RHD: variants seen among roughly 807,000 people sequenced by gnomAD.
RHD encodes Rh blood group D antigen.
Under a neutral mutation model 45.5 loss-of-function variants are expected in RHD, and 16 were observed. The observed-to-expected ratio is 0.35, with a 90% CI of 0.24 to 0.53. The LOEUF (loss-of-function observed/expected upper bound fraction) is 0.53, where lower values mean the gene tolerates loss of function less well. Among genes scored for constraint, RHD ranks in the 20% least tolerant of loss-of-function variants. RHD has a pLI of 0.92. For synonymous variants in RHD, 131 were observed against 217.5 expected (o/e 0.60, Z 3.50); for missense variants, 306 against 532.0 (o/e 0.58, Z 4.18).
rs1305200858 is a variant in RHD, at chr1:25,305,662, G to A, written c.940-934G>A. Reference sequence around the variant, plus strand: ...TTTGCCCAGGCTGGAGTGCAGTGGCGCCATCTCAGCTTACTGCAAGCTCCG... The same window carrying A: ...TTTGCCCAGGCTGGAGTGCAGTGGCACCATCTCAGCTTACTGCAAGCTCCG... On this transcript the variant is annotated intron_variant, in intron 6 of 9. Transcript: ENST00000328664. Among the ~76,000 whole-genome samples, 5 of 128,210 alleles carry A rather than the reference G, an allele frequency of 3.9e-5. 1 individual carries two copies. Among genetic ancestry groups the A allele is most frequent in the African/African-American group, 1.1e-4 (4 of 36,996 alleles). 84.1% of individuals were successfully genotyped at this position (128,210 alleles called of 152,430 possible). A position where few individuals can be genotyped will look rare whatever the true frequency, so the allele number is the denominator to read the frequency against.
chr1:25,282,598 CA>C (rs1641587728), intron 1 of RHD, among the ~76,000 whole-genome samples: 1 of 132,390 alleles, frequency 7.6e-6, no homozygotes, highest in Admixed American at 7.4e-5. Flanking sequence ...CATGTGAACT[CA>C]AAACCTATGC....
intron 8 of RHD, among the ~76,000 whole-genome samples, chr1:25,320,343 TAA>T (rs544073405): frequency 3.0e-5 from 4 of 131,812 alleles, no homozygotes; most frequent in African/African-American, 1.0e-4. Context: ...TGATTTTTTT[TAA>T]AAAAAGTCTA....
rs1189421203 is a variant in RHD at position 25,287,363 on chromosome 1, C to T, written c.335+2604C>T. Reference sequence around the variant, plus strand: ...TTGTTCTTGACTCAATCTAGAAAGACGAGAAGGGAGAGAAGTCACTCGCAG... The same window carrying T: ...TTGTTCTTGACTCAATCTAGAAAGATGAGAAGGGAGAGAAGTCACTCGCAG... On this transcript the variant is annotated intron_variant, in intron 2 of 9. Transcript: ENST00000328664. Among the ~76,000 whole-genome samples the T allele has an allele frequency of 7.4e-5, 10 of 135,282 alleles. 3 individuals carry two copies. The highest frequency in any genetic ancestry group is 1.4e-4 in the Non-Finnish European group (8 of 57,004). 88.8% of individuals were successfully genotyped at this position (135,282 alleles called of 152,430 possible). A position where few individuals can be genotyped will look rare whatever the true frequency, so the allele number is the denominator to read the frequency against.
Position 25,298,013 on chromosome 1 carries a change from C to T in RHD, c.487-2933C>T, listed in dbSNP as rs1422974394. On this transcript the variant is annotated intron_variant, in intron 3 of 9. Transcript: ENST00000328664. Reference sequence around the variant, plus strand: ...CTCTGTACACCAGCTTTCTCTTTAGCGAAAAACGTGTCCCCTCCACCCACC... The same window carrying T: ...CTCTGTACACCAGCTTTCTCTTTAGTGAAAAACGTGTCCCCTCCACCCACC... Among the ~76,000 whole-genome samples, 30 of 127,320 alleles carry T rather than the reference C, an allele frequency of 2.4e-4. 6 individuals carry two copies. Among genetic ancestry groups the T allele is most frequent in the East Asian group, 7.9e-4 (4 of 5,090 alleles). The allele number at this position is 127,320 out of a possible 152,430, so 83.5% of individuals were successfully genotyped here.
chr1:25,294,277 C>G, intron 3 of RHD: 1 of 1,161,044 alleles, frequency 8.6e-7, no homozygotes. Context: ...GCCTTGGCAG[C>G]TTTCTGCGAG....
intron 7 of RHD, among the ~76,000 whole-genome samples, chr1:25,314,567 CACT>C (rs1644336645): frequency 7.5e-6 from 1 of 132,932 alleles, no homozygotes; most frequent in African/African-American, 2.6e-5. Flanking sequence ...TATCTCAGCC[CACT>C]ACAACCTCTG....
At chr1:25,310,973 CAAA>C (rs1158185993) in intron 7 of RHD, among the ~76,000 whole-genome samples, 1 of 74,574 alleles carries the variant, frequency 1.3e-5, no homozygotes, top group African/African-American at 4.6e-5. Context: ...AACTCCATCT[CAAA>C]AAAAAAAAAA....
At chr1:25,287,182 G>A (rs1167339172) in intron 2 of RHD, among the ~76,000 whole-genome samples, 2 of 135,346 alleles carry the variant, frequency 1.5e-5, no homozygotes, top group Admixed American at 1.4e-4. Context: ...CACACACTGT[G>A]TCCACCTGGG....
At chr1:25,278,469 G>A (rs1641204335) in intron 1 of RHD, among the ~76,000 whole-genome samples, 1 of 131,412 alleles carries the variant, frequency 7.6e-6, no homozygotes, top group Admixed American at 7.4e-5. Flanking sequence ...GCAACAACTG[G>A]GCTGGGTTCA....
rs1644941544 is a variant in RHD at position 25,329,357 on chromosome 1, GC to G, written c.*435del. The G allele has an allele frequency of 6.1e-6, 2 of 329,538 alleles. No individual in the cohort carries two copies. The highest frequency in any genetic ancestry group is 1.2e-5 in the Non-Finnish European group (2 of 168,430). 20.4% of individuals were successfully genotyped at this position (329,538 alleles called of 1,614,324 possible). On this transcript the variant is annotated 3_prime_UTR_variant, in exon 10 of 10. Transcript: ENST00000328664. ...CCTCCTGGGTTCAAGCAAATCTCCT[GC>G]CTCAGCCTCCAAAGTAGCTGGGATT...
At chr1:25,291,004 C>A (rs1289198055) in intron 3 of RHD, among the ~76,000 whole-genome samples, 1 of 130,854 alleles carries the variant, frequency 7.6e-6, no homozygotes, top group Non-Finnish European at 1.8e-5. Context: ...TCTAAATTAT[C>A]CAGTTGTGGT....
rs1357344788 is a variant in RHD at position 25,279,559 on chromosome 1, G to A, written c.149-5014G>A. Among the ~76,000 whole-genome samples the A allele has an allele frequency of 1.6e-5, 2 of 128,696 alleles. 1 individual carries two copies. The highest frequency in any genetic ancestry group is 3.6e-5 in the Non-Finnish European group (2 of 55,196). 84.4% of individuals were successfully genotyped at this position (128,696 alleles called of 152,430 possible). A position where few individuals can be genotyped will look rare whatever the true frequency, so the allele number is the denominator to read the frequency against. On this transcript the variant is annotated intron_variant, in intron 1 of 9. Transcript: ENST00000328664. ...CTTGGACTAGTTATAGCACCTCTCT[G>A]TGCCTCCCTTTCCCCATCTCTAAAA...
chr1:25,310,351 G>C (rs1271948008), intron 7 of RHD, among the ~76,000 whole-genome samples: 1 of 133,070 alleles, frequency 7.5e-6, no homozygotes, highest in African/African-American at 2.5e-5. Context: ...AGAGAAATCT[G>C]AGCTGGCATG....
chr1:25,316,084 T>TGAAC (rs1474019250), intron 7 of RHD, among the ~76,000 whole-genome samples: 1 of 130,966 alleles, frequency 7.6e-6, no homozygotes, highest in East Asian at 1.9e-4. Flanking sequence ...GGGGCTGCAG[T>TGAAC]GAACGGGCTG....
rs1389789281 is a variant in RHD at position 25,291,567 on chromosome 1, A to C, written c.486+776A>C. 1.5e-5 allele frequency among the ~76,000 whole-genome samples: 2 copies of C among 132,966 alleles called. 1 individual carries two copies. Among genetic ancestry groups the C allele is most frequent in the Non-Finnish European group, 3.6e-5 (2 of 56,126 alleles). 87.2% of individuals were successfully genotyped at this position (132,966 alleles called of 152,430 possible). On this transcript the variant is annotated intron_variant, in intron 3 of 9. Coordinates refer to ENST00000328664, the MANE Select transcript of RHD (RefSeq NM_016124.6). ...GTGGTCTGTGCAAATGTTTAAACAC[A>C]ACAAACCAATGCCTTTAACTACTAC...
At position 25,272,759 on chromosome 1, in the gene RHD, G is replaced by A. The variant is rs56013401; in HGVS notation, c.148+64G>A. The A allele has an allele frequency of 2.8e-4, 383 of 1,365,766 alleles. 105 individuals are homozygous for A. The highest frequency in any genetic ancestry group is 3.7e-4 in the Non-Finnish European group (362 of 968,924). 84.6% of individuals were successfully genotyped at this position (1,365,766 alleles called of 1,614,324 possible). Reference sequence around the variant, plus strand: ...GCAGGGGCAGGGGCGGGGGAGGCCTGTGGTTCTCCAGGGGCACAGATGTTC... The same window carrying A: ...GCAGGGGCAGGGGCGGGGGAGGCCTATGGTTCTCCAGGGGCACAGATGTTC... On this transcript the variant is annotated intron_variant, in intron 1 of 9. Coordinates refer to ENST00000328664, the MANE Select transcript of RHD (RefSeq NM_016124.6).
In RHD at chr1:25,289,298, G is replaced by A. The variant is rs1389694627; in HGVS notation, c.336-1343G>A. Among the ~76,000 whole-genome samples the A allele has an allele frequency of 9.9e-5, 13 of 130,714 alleles. 1 individual carries two copies. In the East Asian group the frequency reaches 2.6e-3, roughly 26 times the overall value. 85.8% of individuals were successfully genotyped at this position (130,714 alleles called of 152,430 possible). ...AAACCTCTGCCTCCCGGGTTCAAGC[G>A]ACTGCCATGCCTCAGCCTCGAGAGT... On this transcript the variant is annotated intron_variant, in intron 2 of 9. Transcript: ENST00000328664.
chr1:25,292,835 G>A (rs1642630490), intron 3 of RHD, among the ~76,000 whole-genome samples: 1 of 121,516 alleles, frequency 8.2e-6, no homozygotes, highest in Admixed American at 8.1e-5. Flanking sequence ...AAGAGAGATG[G>A]GAAGAAGTCT....
At chr1:25,284,268 A>AT (rs1641760555) in intron 1 of RHD, among the ~76,000 whole-genome samples, 1 of 135,850 alleles carries the variant, frequency 7.4e-6, no homozygotes, top group African/African-American at 2.5e-5. Flanking sequence ...TGTTCTTATT[A>AT]TTAGGTTTAA....
Sources: gnomAD v4.1 joint callset for allele counts (sites outside exome capture counted in the v4.1 genomes callset) on GRCh38, gnomAD v4.1.1 for gene constraint, MANE v1.5 for transcripts, NCBI Gene and HGNC (gene_info 2026-07-23, HGNC 2026-07-21) for gene names.